ADSS2: variants seen among roughly 807,000 people sequenced by gnomAD.
The protein encoded by ADSS2 is adenylosuccinate synthetase isozyme 2.
A neutral mutation model predicts 60.0 loss-of-function variants in ADSS2; 30 were observed. That is an observed-to-expected ratio of 0.50 (90% CI 0.37 to 0.68). The LOEUF (loss-of-function observed/expected upper bound fraction) is 0.68, where lower values mean the gene tolerates loss of function less well. ADSS2 is among the 30% of genes least tolerant of loss of function. The pLI, the probability that ADSS2 is intolerant of heterozygous loss-of-function variation, is 0.00. For missense variants in ADSS2, 373 were observed against 554.8 expected (o/e 0.67, Z 3.29); for synonymous variants, 187 against 193.1 (o/e 0.97, Z 0.26).
intron 11 of ADSS2, 115 bp downstream of exon 11, chr1:244,415,866 A>G: frequency 1.4e-6 from 1 of 711,928 alleles, no homozygotes; most frequent in South Asian, 1.9e-5. Flanking sequence ...CACTAATCAT[A>G]AAGGGCATAT....
At chr1:244,416,391 C>G (rs1159104268) in intron 10 of ADSS2, among the ~76,000 whole-genome samples, 5 of 152,252 alleles carry the variant, frequency 3.3e-5, no homozygotes, top group African/African-American at 1.2e-4. Context: ...AAACACGGTT[C>G]ACTGCAGCCT....
upstream of ADSS2, chr1:244,451,946 G>T: frequency 3.1e-6 from 3 of 974,452 alleles, no homozygotes; most frequent in South Asian, 1.9e-5. This position sits in a 1 kb window ranked among gnomAD's most constrained non-coding sequence, Gnocchi z 6.6. Flanking sequence ...CCCCCGCCCC[G>T]CCGGGCCGCC....
chr1:244,411,249 GAA>G (rs1558267240), intron 12 of ADSS2, 36 bp downstream of exon 12: 1 of 1,555,710 alleles, frequency 6.4e-7, no homozygotes, highest in Non-Finnish European at 8.7e-7. Flanking sequence ...GAGAGAGAGA[GAA>G]AAGAAAAAAC....
At position 244,409,270 on chromosome 1, in the gene ADSS2, C is replaced by T. The variant is rs551409330; in HGVS notation, c.*316G>A. On this transcript the variant is annotated 3_prime_UTR_variant, in exon 13 of 13. Transcript: ENST00000366535. Reference sequence around the variant, plus strand: ...CAATGACAATAATGAAGAAAAACTACATTAAAAGTAATTCTACTTTTGATA... The same window carrying T: ...CAATGACAATAATGAAGAAAAACTATATTAAAAGTAATTCTACTTTTGATA... 45 of 225,808 alleles carry T rather than the reference C, an allele frequency of 2.0e-4. No individual in the cohort carries two copies. In the East Asian group the frequency reaches 4.0e-3, roughly 20 times the overall value. The allele number at this position is 225,808 out of a possible 1,614,324, so 14.0% of individuals were successfully genotyped here. A position where few individuals can be genotyped will look rare whatever the true frequency, so the allele number is the denominator to read the frequency against.
In ADSS2 at chr1:244,409,543, T is replaced by C. The variant is rs758332023; in HGVS notation, c.*43A>G. 2 of 1,455,150 alleles carry C rather than the reference T, an allele frequency of 1.4e-6. No homozygotes were observed. Among genetic ancestry groups the C allele is most frequent in the Non-Finnish European group, 1.9e-6 (2 of 1,043,916 alleles). 90.1% of individuals were successfully genotyped at this position (1,455,150 alleles called of 1,614,324 possible). A position where few individuals can be genotyped will look rare whatever the true frequency, so the allele number is the denominator to read the frequency against. On this transcript the variant is annotated 3_prime_UTR_variant, in exon 13 of 13. Transcript: ENST00000366535. ...AAATGAAATATTTAAGAAAGTCTTTTCCCCTCCCTCTCAAGGAGTGTTTCT... is the reference window on the plus strand; with the variant it reads ...AAATGAAATATTTAAGAAAGTCTTTCCCCCTCCCTCTCAAGGAGTGTTTCT...
intron 1 of ADSS2, among the ~76,000 whole-genome samples, chr1:244,438,134 C>A (rs1227989410): frequency 1.3e-5 from 2 of 152,118 alleles, no homozygotes; most frequent in African/African-American, 4.8e-5. Flanking sequence ...TCTACACACA[C>A]ACAAAAAATC....
chr1:244,417,796 T>C (rs1664574384), intron 9 of ADSS2, 44 bp from the exon 10 acceptor site: 2 of 1,580,160 alleles, frequency 1.3e-6, no homozygotes, highest in African/African-American at 1.3e-5. Context: ...ATAGCAGTGC[T>C]ATATATCTGG....
chr1:244,424,181 G>C, intron 5 of ADSS2, 121 bp from the exon 6 acceptor site: 1 of 1,183,678 alleles, frequency 8.4e-7, no homozygotes, highest in Admixed American at 2.5e-5. Context: ...TTCTTGCTAA[G>C]TATATGTTCA....
chr1:244,425,324 T>A (rs545353136), intron 4 of ADSS2, among the ~76,000 whole-genome samples: 3 of 152,352 alleles, frequency 2.0e-5, no homozygotes, highest in East Asian at 3.9e-4. Flanking sequence ...ACAAAATTCA[T>A]CCATTTAAGA....
At chr1:244,431,397 A>T (rs563091064) in intron 4 of ADSS2, among the ~76,000 whole-genome samples, 10 of 152,256 alleles carry the variant, frequency 6.6e-5, no homozygotes, top group Admixed American at 6.5e-4. Context: ...TATGCCATTA[A>T]TAATTCTGGA....
chr1:244,429,374 T>C (rs1464947981), intron 4 of ADSS2, among the ~76,000 whole-genome samples: 1 of 152,218 alleles, frequency 6.6e-6, no homozygotes, highest in East Asian at 1.9e-4. Context: ...AGCATCTATA[T>C]GCCAGATCCT....
At chr1:244,430,714 G>GT (rs1292108801) in intron 4 of ADSS2, among the ~76,000 whole-genome samples, 1 of 152,128 alleles carries the variant, frequency 6.6e-6, no homozygotes, top group Non-Finnish European at 1.5e-5. Flanking sequence ...ATGACTATTG[G>GT]TAACAGAATA....
intron 3 of ADSS2, among the ~76,000 whole-genome samples, chr1:244,434,985 G>A (rs533802568): frequency 2.6e-5 from 4 of 151,554 alleles, no homozygotes; most frequent in East Asian, 1.9e-4. Context: ...TGGCTAACAC[G>A]GTGAAACCCC....
intron 11 of ADSS2, among the ~76,000 whole-genome samples, chr1:244,414,442 T>C (rs1664483155): frequency 6.6e-6 from 1 of 152,234 alleles, no homozygotes; most frequent in Non-Finnish European, 1.5e-5. Flanking sequence ...AAAAGCATAT[T>C]GGAGATGCTG....
chr1:244,432,403 T>C, intron 4 of ADSS2, 142 bp downstream of exon 4: 1 of 579,538 alleles, frequency 1.7e-6, no homozygotes, highest in Non-Finnish European at 2.8e-6. Context: ...GTAAGTATTT[T>C]TTGTATTTAG....
rs1382813404 is a variant in ADSS2 at position 244,408,881 on chromosome 1, C to T, written c.*705G>A. 6.6e-6 allele frequency: 1 copy of T among 152,348 alleles called. No individual in the cohort carries two copies. The highest frequency in any genetic ancestry group is 1.5e-5 in the Non-Finnish European group (1 of 67,994). 9.4% of individuals were successfully genotyped at this position (152,348 alleles called of 1,614,324 possible). A position where few individuals can be genotyped will look rare whatever the true frequency, so the allele number is the denominator to read the frequency against. On this transcript the variant is annotated 3_prime_UTR_variant, in exon 13 of 13. Coordinates refer to ENST00000366535, the MANE Select transcript of ADSS2 (RefSeq NM_001126.5). ...CAGATCTTTTAATGACTATTTTTAA[C>T]ATAAAGATTGTTGTTTTGGGAAACA...
At chr1:244,438,042 GA>G (rs1173999605) in intron 1 of ADSS2, among the ~76,000 whole-genome samples, 4 of 151,884 alleles carry the variant, frequency 2.6e-5, no homozygotes, top group East Asian at 1.9e-4. Context: ...TAAAAGAGGG[GA>G]AAAAAAGTGA....
At chr1:244,435,465 T>C (rs1665073839) in intron 3 of ADSS2, among the ~76,000 whole-genome samples, 1 of 152,128 alleles carries the variant, frequency 6.6e-6, no homozygotes, top group Non-Finnish European at 1.5e-5. Flanking sequence ...TTGAGGCAAT[T>C]TTATACAATA....
intron 11 of ADSS2, among the ~76,000 whole-genome samples, chr1:244,413,338 G>C (rs1441194851): frequency 6.6e-6 from 1 of 152,100 alleles, no homozygotes; most frequent in Non-Finnish European, 1.5e-5. Context: ...GAATCAGTGG[G>C]GCTTCCATTT....
Sources: gnomAD v4.1 joint callset for allele counts (sites outside exome capture counted in the v4.1 genomes callset) on GRCh38, gnomAD v4.1.1 for gene constraint, Gnocchi (gnomAD v3.1) non-coding constraint, MANE v1.5 for transcripts, NCBI Gene and HGNC (gene_info 2026-07-23, HGNC 2026-07-21) for gene names.